The following MTHFD1L variants were observed in gnomAD, a reference collection of about 807,000 sequenced individuals.
MTHFD1L encodes methylenetetrahydrofolate dehydrogenase (NADP+ dependent) 1 like, also known as monofunctional C1-tetrahydrofolate synthase, mitochondrial.
MTHFD1L carries 81 observed loss-of-function variants against 119.5 expected under a neutral mutation model. The observed-to-expected ratio is 0.68, with a 90% CI of 0.57 to 0.82. The LOEUF (loss-of-function observed/expected upper bound fraction) is 0.82. MTHFD1L is among the 40% of genes least tolerant of loss of function. MTHFD1L has a pLI of 0.00. For synonymous variants in MTHFD1L, 430 were observed against 475.2 expected, an observed-to-expected ratio of 0.90 and a Z score of 1.24; for missense variants, 1,125 against 1,253.4, an observed-to-expected ratio of 0.90 and a Z score of 1.55.
At chr6:151,040,197 C>T (rs1441766298) in intron 26 of MTHFD1L, among the ~76,000 whole-genome samples, 2 of 152,168 alleles carry the variant, frequency 1.3e-5, no homozygotes, top group African/African-American at 2.4e-5. Flanking sequence ...CTCTAAACCC[C>T]GCAGTAGTTC....
chr6:151,100,033 T>TC (rs1303508168), intron 27 of MTHFD1L: 6 of 650,126 alleles, frequency 9.2e-6, no homozygotes, highest in Non-Finnish European at 1.3e-5. Context: ...TTCTTTCTTT[T>TC]CTTTTTTTTT....
intron 1 of MTHFD1L, chr6:150,866,547 C>T (rs1294546033): frequency 4.8e-6 from 6 of 1,257,000 alleles, no homozygotes; most frequent in Middle Eastern, 3.0e-4. Flanking sequence ...GCGCGAAGCT[C>T]CCTGGTGTTG....
chr6:150,878,111 C>T (rs758336197), intron 4 of MTHFD1L, among the ~76,000 whole-genome samples: 5 of 152,172 alleles, frequency 3.3e-5, no homozygotes, highest in Admixed American at 1.3e-4. Context: ...CAGGCCGAGG[C>T]GAGGAAACTG....
chr6:150,908,920 C>A (rs1257380864), intron 8 of MTHFD1L, among the ~76,000 whole-genome samples: 2 of 151,854 alleles, frequency 1.3e-5, no homozygotes, highest in African/African-American at 4.8e-5. Context: ...CTTATTTAAA[C>A]TTAAGATGAG....
chr6:151,005,266 G>A (rs372524622), intron 20 of MTHFD1L, among the ~76,000 whole-genome samples: 13 of 152,096 alleles, frequency 8.5e-5, no homozygotes, highest in African/African-American at 2.9e-4. Context: ...GTCCAAGTTC[G>A]TAGTAATTGG....
intron 9 of MTHFD1L, among the ~76,000 whole-genome samples, chr6:150,921,594 A>G (rs1048936232): frequency 4.3e-4 from 65 of 151,658 alleles, no homozygotes; most frequent in African/African-American, 1.5e-3. Flanking sequence ...CTCAGCTAGG[A>G]TGAAGTACAG....
intron 9 of MTHFD1L, among the ~76,000 whole-genome samples, chr6:150,921,139 G>A (rs974709814): frequency 6.7e-6 from 1 of 149,706 alleles, no homozygotes; most frequent in African/African-American, 2.5e-5. Context: ...TATTTTTTGA[G>A]ATGGAGTTTT....
chr6:150,941,109 G>A (rs908850812), intron 13 of MTHFD1L, among the ~76,000 whole-genome samples: 1 of 152,200 alleles, frequency 6.6e-6, no homozygotes, highest in African/African-American at 2.4e-5. Flanking sequence ...CAGATGGGCT[G>A]AGGAATTGAA....
intron 24 of MTHFD1L, among the ~76,000 whole-genome samples, chr6:151,026,342 C>T (rs1248000973): frequency 6.6e-6 from 1 of 152,214 alleles, no homozygotes; most frequent in African/African-American, 2.4e-5. Context: ...AATATAACCA[C>T]TGGTCACAGT....
At chr6:150,919,135 C>A (rs1282781955) in intron 9 of MTHFD1L, among the ~76,000 whole-genome samples, 2 of 151,000 alleles carry the variant, frequency 1.3e-5, no homozygotes. Context: ...TGAACTCCAA[C>A]CTGGGTGACA....
chr6:150,965,518 G>C (rs139338586), intron 19 of MTHFD1L, among the ~76,000 whole-genome samples: 3 of 152,012 alleles, frequency 2.0e-5, no homozygotes, highest in East Asian at 1.9e-4. Context: ...AAAATTAGCC[G>C]GGCATTGTGG....
rs1782986525 is a variant in MTHFD1L, at chr6:150,890,161, AAAT to A, written c.780+2189_780+2191del. Among the ~76,000 whole-genome samples the A allele has an allele frequency of 2.6e-5, 4 of 152,080 alleles. No individual in the cohort carries two copies. The South Asian group carries it at 8.3e-4, about 32-fold the overall frequency. ...ACAAGAACGAAACTCCGTCTCAAAA[AAAT>A]AATAATAAAAAGTGTATATATATGT... On this transcript the variant is annotated intron_variant, in intron 7 of 27. Coordinates refer to ENST00000367321, the MANE Select transcript of MTHFD1L (RefSeq NM_015440.5).
intron 2 of MTHFD1L, among the ~76,000 whole-genome samples, chr6:150,876,706 C>G (rs1213052119): frequency 6.6e-6 from 1 of 152,200 alleles, no homozygotes. Flanking sequence ...AGTTGCCATC[C>G]TGCTTGGCAC....
At chr6:151,076,153 T>C (rs537503638) in intron 26 of MTHFD1L, among the ~76,000 whole-genome samples, 1 of 152,274 alleles carries the variant, frequency 6.6e-6, no homozygotes, top group African/African-American at 2.4e-5. Context: ...GGAGGATGGC[T>C]TGAGCCCAGC....
At chr6:150,965,684 A>ATGTC (rs5880908) in intron 19 of MTHFD1L, among the ~76,000 whole-genome samples, 70,948 of 150,750 alleles carry the variant, frequency 0.47, 17,611 homozygotes, top group South Asian at 0.59. Context: ...GAGAAAGTCA[A>ATGTC]TGTCTAACAT....
intron 13 of MTHFD1L, among the ~76,000 whole-genome samples, chr6:150,941,658 A>G (rs182680469): frequency 6.6e-6 from 1 of 152,314 alleles, no homozygotes; most frequent in East Asian, 1.9e-4. Flanking sequence ...GGAGGATTCA[A>G]GGACGACATC....
In MTHFD1L at chr6:150,885,831, T is replaced by G. The variant is rs567593538; in HGVS notation, c.643+97T>G. On this transcript the variant is annotated intron_variant, in intron 6 of 27. Coordinates refer to ENST00000367321, the MANE Select transcript of MTHFD1L (RefSeq NM_015440.5). ...TTTGGGGAAGAATTAAAAATTTTTTTAAATTATTATTCTGATATCCTTTTA... is the reference window on the plus strand; with the variant it reads ...TTTGGGGAAGAATTAAAAATTTTTTGAAATTATTATTCTGATATCCTTTTA... 21 of 887,620 alleles carry G rather than the reference T, an allele frequency of 2.4e-5. No individual in the cohort carries two copies. The South Asian group carries it at 3.5e-4, about 15-fold the overall frequency. 55.0% of individuals were successfully genotyped at this position (887,620 alleles called of 1,614,324 possible). A position where few individuals can be genotyped will look rare whatever the true frequency, so the allele number is the denominator to read the frequency against.
intron 1 of MTHFD1L, among the ~76,000 whole-genome samples, chr6:150,868,434 G>C (rs1430683689): frequency 6.6e-6 from 1 of 151,474 alleles, no homozygotes; most frequent in Non-Finnish European, 1.5e-5. Context: ...CCGCCTCCCG[G>C]GTTCAAGCGA....
At chr6:151,081,162 T>C (rs1793120282) in intron 26 of MTHFD1L, among the ~76,000 whole-genome samples, 1 of 152,146 alleles carries the variant, frequency 6.6e-6, no homozygotes, top group African/African-American at 2.4e-5. Flanking sequence ...TACAGAACAA[T>C]ATAGGCCTCT....
Sources: gnomAD v4.1 joint callset for allele counts (sites outside exome capture counted in the v4.1 genomes callset) on GRCh38, gnomAD v4.1.1 for gene constraint, MANE v1.5 for transcripts, NCBI Gene and HGNC (gene_info 2026-07-23, HGNC 2026-07-21) for gene names.